The following THSD7B variants were observed in gnomAD, a reference collection of about 807,000 sequenced individuals.
THSD7B encodes the protein thrombospondin type-1 domain-containing protein 7B.
In THSD7B, 138 loss-of-function variants were observed where a neutral mutation model predicts 213.6. The ratio of observed to expected loss-of-function variants is 0.65; its 90% CI spans 0.56 to 0.74. The LOEUF (loss-of-function observed/expected upper bound fraction) is 0.74, where lower values mean the gene tolerates loss of function less well. Ranked by LOEUF, THSD7B falls within the 30% of genes least tolerant of loss-of-function variation. The probability of loss-of-function intolerance (pLI) is 0.00; values close to 1 mark genes in which losing one functional copy is unlikely to be tolerated. For missense variants in THSD7B, 1,931 were observed against 1,991.5 expected (o/e 0.97, Z 0.58); for synonymous variants, 742 against 687.0 (o/e 1.08, Z -1.25).
chr2:136,849,876 GT>G (rs1439621492), intron 1 of THSD7B, among the ~76,000 whole-genome samples: 2 of 151,896 alleles, frequency 1.3e-5, no homozygotes, highest in African/African-American at 4.8e-5. Flanking sequence ...AATCTTAATA[GT>G]TTTTTTATAT....
intron 10 of THSD7B, among the ~76,000 whole-genome samples, chr2:137,266,072 A>AT (rs539033643): frequency 1.3e-5 from 2 of 152,146 alleles, no homozygotes; most frequent in Non-Finnish European, 1.5e-5. Context: ...CTGGTTTGTC[A>AT]TTTTTTTCTT....
At chr2:137,554,457 T>C (rs1399252753) in intron 15 of THSD7B, among the ~76,000 whole-genome samples, 1 of 152,184 alleles carries the variant, frequency 6.6e-6, no homozygotes, top group Non-Finnish European at 1.5e-5. Context: ...TCAAACTGTG[T>C]CTCTCTGAGC....
At chr2:137,586,319 T>C (rs562009904) in intron 17 of THSD7B, among the ~76,000 whole-genome samples, 6 of 152,222 alleles carry the variant, frequency 3.9e-5, no homozygotes, top group South Asian at 4.2e-4. Flanking sequence ...TTAACTGGAG[T>C]ATTTAGCCCA....
At chr2:136,826,985 C>G (rs541138655) in intron 1 of THSD7B, among the ~76,000 whole-genome samples, 1 of 152,318 alleles carries the variant, frequency 6.6e-6, no homozygotes, top group African/African-American at 2.4e-5. Context: ...TCTTACCTAA[C>G]AGTACAGTGC....
intron 25 of THSD7B, among the ~76,000 whole-genome samples, chr2:137,662,425 C>T (rs1355666808): frequency 5.9e-5 from 9 of 151,648 alleles, no homozygotes; most frequent in South Asian, 2.1e-4. Context: ...CCCTCGTGCT[C>T]GCTGCAACCA....
At position 137,115,260 on chromosome 2, in the gene THSD7B, G is replaced by C. The variant is rs762145938; in HGVS notation, c.1336G>C (p.Val446Leu). The change falls in exon 5 of 28, where the codon GTA becomes CTA. Residue 446 changes from valine (V) to leucine (L), a missense_variant. Val to Leu is a conservative substitution (Grantham distance 32). Transcript: ENST00000409968. ...QTREVYCAQS[V>L]PAAAALRAKE... ...CCGGGAGGTGTACTGTGCCCAGAGC[G>C]TACCAGCAGCTGCCGCACTGAGGGC... 6.2e-7 allele frequency: 1 copy of C among 1,600,424 alleles called. No individual in the cohort carries two copies. The highest frequency in any genetic ancestry group is 1.3e-5 in the African/African-American group (1 of 74,282).
chr2:137,358,885 A>G (rs183983163), intron 12 of THSD7B, among the ~76,000 whole-genome samples: 1 of 152,330 alleles, frequency 6.6e-6, no homozygotes, highest in East Asian at 1.9e-4. Context: ...AGTGTATATT[A>G]GCACCTTTGC....
At position 137,234,225 on chromosome 2, in the gene THSD7B, C is replaced by A. The variant is rs866511275; in HGVS notation, c.2150+1092C>A. Among the ~76,000 whole-genome samples, 3 of 152,206 alleles carry A rather than the reference C, an allele frequency of 2.0e-5. No homozygotes were observed. The East Asian group carries it at 5.8e-4, about 29-fold the overall frequency. On this transcript the variant is annotated intron_variant, in intron 9 of 27. Coordinates refer to ENST00000409968, the MANE Select transcript of THSD7B (RefSeq NM_001316349.2). ...CGTGGTCCTGTCCCTACTGACTACA[C>A]CCTGCCCTCCATGGCAAAATATGAA...
chr2:137,322,308 C>T (rs985743665), intron 12 of THSD7B, among the ~76,000 whole-genome samples: 1 of 152,162 alleles, frequency 6.6e-6, no homozygotes, highest in African/African-American at 2.4e-5. Flanking sequence ...CTGTCAAACA[C>T]ATGCAATAAC....
intron 1 of THSD7B, among the ~76,000 whole-genome samples, chr2:136,782,635 G>T (rs1681763504): frequency 6.6e-6 from 1 of 152,040 alleles, no homozygotes; most frequent in Non-Finnish European, 1.5e-5. Context: ...GGGGGTTGGG[G>T]AGATGTTGGT....
At chr2:137,374,422 T>G (rs1310739519) in intron 12 of THSD7B, among the ~76,000 whole-genome samples, 2 of 152,184 alleles carry the variant, frequency 1.3e-5, no homozygotes, top group African/African-American at 4.8e-5. Context: ...TCTTTGTCCT[T>G]AATGTGTTTA....
intron 15 of THSD7B, among the ~76,000 whole-genome samples, chr2:137,514,058 T>G (rs1055167772): frequency 5.3e-5 from 8 of 152,200 alleles, no homozygotes; most frequent in Non-Finnish European, 8.8e-5. Context: ...CCACTAGATA[T>G]CAATTGAAAA....
At chr2:136,816,235 C>CTAT (rs1376832115) in intron 1 of THSD7B, among the ~76,000 whole-genome samples, 1 of 152,080 alleles carries the variant, frequency 6.6e-6, no homozygotes, top group Admixed American at 6.6e-5. Context: ...TGTTTGTTTG[C>CTAT]CCCATTCTTT....
intron 4 of THSD7B, among the ~76,000 whole-genome samples, chr2:137,108,650 T>C (rs1364426104): frequency 6.6e-6 from 1 of 152,146 alleles, no homozygotes; most frequent in Non-Finnish European, 1.5e-5. Context: ...GAGGGTCCTT[T>C]CTTTGATTAA....
chr2:137,252,911 CT>C lies in THSD7B; in HGVS notation c.2266+10364del, dbSNP rs754932566. 9.4e-3 allele frequency among the ~76,000 whole-genome samples: 757 copies of C among 80,668 alleles called. 2 individuals carry two copies. The highest frequency in any genetic ancestry group is 0.024 in the Middle Eastern group (2 of 82). 52.9% of individuals were successfully genotyped at this position (80,668 alleles called of 152,430 possible). Reference sequence around the variant, plus strand: ...GCATGTTTCCAATAGAAAAGGCTTGCTTTTTTTTTTTTTTTTTTTTTTTTTA... The same window carrying C: ...GCATGTTTCCAATAGAAAAGGCTTGCTTTTTTTTTTTTTTTTTTTTTTTTA... On this transcript the variant is annotated intron_variant, in intron 10 of 27. Transcript: ENST00000409968.
intron 12 of THSD7B, among the ~76,000 whole-genome samples, chr2:137,404,602 C>A (rs1490277248): frequency 6.7e-6 from 1 of 149,368 alleles, no homozygotes; most frequent in Non-Finnish European, 1.5e-5. Flanking sequence ...TATACACACA[C>A]ATACTATATA....
chr2:136,821,686 G>A (rs1414883113), intron 1 of THSD7B, among the ~76,000 whole-genome samples: 2 of 152,150 alleles, frequency 1.3e-5, no homozygotes, highest in Non-Finnish European at 2.9e-5. Flanking sequence ...CTCCTTCCGC[G>A]GTTAGGCTGG....
At chr2:137,409,780 A>G (rs1573609204) in intron 13 of THSD7B, among the ~76,000 whole-genome samples, 1 of 152,306 alleles carries the variant, frequency 6.6e-6, no homozygotes, top group African/African-American at 2.4e-5. Context: ...GAACAAAAAG[A>G]TATGTTACGA....
intron 2 of THSD7B, among the ~76,000 whole-genome samples, chr2:136,950,682 C>T (rs1370420062): frequency 6.6e-6 from 1 of 151,966 alleles, no homozygotes. Flanking sequence ...CTGCAATTAT[C>T]GCCATTAAAA....
Sources: allele counts gnomAD v4.1 joint callset (sites outside exome capture counted in the v4.1 genomes callset), GRCh38; gene constraint gnomAD v4.1.1; transcripts MANE v1.5; gene names NCBI Gene and HGNC (gene_info 2026-07-23, HGNC 2026-07-21).